SGCZ: variants seen among roughly 807,000 people sequenced by gnomAD.
The protein encoded by SGCZ is zeta-sarcoglycan.
In SGCZ, 40 loss-of-function variants were observed where a neutral mutation model predicts 41.3. The observed-to-expected ratio is 0.97, with a 90% CI of 0.75 to 1.26. The LOEUF is 1.26. Among genes scored for constraint, SGCZ ranks in the 50% most tolerant of loss-of-function variants. SGCZ has a pLI of 0.00. For synonymous variants in SGCZ, 206 were observed against 137.5 expected (o/e 1.50, Z -3.49); for missense variants, 552 against 369.8 (o/e 1.49, Z -4.04).
intron 5 of SGCZ, among the ~76,000 whole-genome samples, chr8:14,110,219 G>A (rs1449024666): frequency 6.6e-6 from 1 of 151,998 alleles, no homozygotes; most frequent in East Asian, 1.9e-4. Context: ...ATCTCAAAGA[G>A]AGACTCTGGC....
intron 4 of SGCZ, among the ~76,000 whole-genome samples, chr8:14,192,275 G>T (rs562294498): frequency 2.0e-5 from 3 of 152,034 alleles, no homozygotes; most frequent in South Asian, 2.1e-4. Flanking sequence ...TATATCCCAA[G>T]GTAGTAAAGA....
chr8:14,496,911 G>A (rs574874735), intron 2 of SGCZ, among the ~76,000 whole-genome samples: 3 of 152,180 alleles, frequency 2.0e-5, no homozygotes, highest in Admixed American at 6.5e-5. Flanking sequence ...AGAGCATAAT[G>A]TTCTTCATAC....
At chr8:15,183,122 C>A (rs1272613893) in intron 1 of SGCZ, among the ~76,000 whole-genome samples, 1 of 152,160 alleles carries the variant, frequency 6.6e-6, no homozygotes, top group African/African-American at 2.4e-5. Context: ...TTCTGAAATA[C>A]CTCCTGAAGG....
Position 14,222,792 on chromosome 8 carries a change from A to ATTTTTTTT in SGCZ, c.424+14792_424+14799dup, listed in dbSNP as rs775444301. Among the ~76,000 whole-genome samples, 4 of 48,896 alleles carry ATTTTTTTT rather than the reference A, an allele frequency of 8.2e-5. 2 individuals carry two copies. Among genetic ancestry groups the ATTTTTTTT allele is most frequent in the East Asian group, 1.7e-3 (2 of 1,200 alleles). The allele number at this position is 48,896 out of a possible 152,430, so 32.1% of individuals were successfully genotyped here. ...ATTCCACCCTCTCTCAGTCACAGTG[A>ATTTTTTTT]TTTTTTTTTTTTTTTTTTTTTTTTT... On this transcript the variant is annotated intron_variant, in intron 4 of 7. Transcript: ENST00000382080.
At chr8:14,841,334 C>A (rs575746403) in intron 1 of SGCZ, among the ~76,000 whole-genome samples, 1 of 151,978 alleles carries the variant, frequency 6.6e-6, no homozygotes, top group Non-Finnish European at 1.5e-5. Flanking sequence ...GATAAATAGG[C>A]AGTTTCAAAA....
At position 14,090,218 on chromosome 8, in the gene SGCZ, T is replaced by C. The variant is rs537045377; in HGVS notation, c.*225A>G. The C allele has an allele frequency of 1.3e-5, 5 of 383,544 alleles. No individual in the cohort carries two copies. In the South Asian group the frequency reaches 3.0e-4, roughly 23 times the overall value. The allele number at this position is 383,544 out of a possible 1,614,324, so 23.8% of individuals were successfully genotyped here. On this transcript the variant is annotated 3_prime_UTR_variant, in exon 8 of 8. Coordinates refer to ENST00000382080, the MANE Select transcript of SGCZ (RefSeq NM_139167.4). ...TCGAGCAAAAGTCATGATCCAGTTT[T>C]CCTGCTGACGACGCTTTTTCCACTG...
At chr8:14,706,642 C>T (rs1026908158) in intron 1 of SGCZ, among the ~76,000 whole-genome samples, 2 of 152,106 alleles carry the variant, frequency 1.3e-5, no homozygotes, top group African/African-American at 4.8e-5. Flanking sequence ...AGTTGTGGGA[C>T]TCCTATACTA....
chr8:14,230,776 G>C (rs1293011807), intron 4 of SGCZ, among the ~76,000 whole-genome samples: 2 of 150,132 alleles, frequency 1.3e-5, no homozygotes, highest in African/African-American at 4.9e-5. Context: ...TGGGGGGGTG[G>C]TTACTCAAAC....
intron 1 of SGCZ, among the ~76,000 whole-genome samples, chr8:14,770,433 GGGGTGGGGGTAAGGAGA>G (rs1800195363): frequency 6.6e-6 from 1 of 151,596 alleles, no homozygotes; most frequent in Non-Finnish European, 1.5e-5. Flanking sequence ...ATATTATTTG[GGGGTGGGGGTAAGGAGA>G]GGGAGGTAAA....
At chr8:14,536,634 G>C (rs1444719164) in intron 2 of SGCZ, among the ~76,000 whole-genome samples, 1 of 151,280 alleles carries the variant, frequency 6.6e-6, no homozygotes, top group African/African-American at 2.4e-5. Context: ...TTTTTCCCTT[G>C]GGTAGCATAG....
intron 1 of SGCZ, among the ~76,000 whole-genome samples, chr8:14,606,376 G>T (rs536551816): frequency 6.6e-6 from 1 of 152,136 alleles, no homozygotes; most frequent in Non-Finnish European, 1.5e-5. Context: ...CAATGGCTTT[G>T]TAATTAGTTC....
intron 1 of SGCZ, among the ~76,000 whole-genome samples, chr8:14,918,757 G>C (rs1294894010): frequency 6.6e-6 from 1 of 152,202 alleles, no homozygotes; most frequent in East Asian, 1.9e-4. Context: ...AAAGACTTCA[G>C]TTGAAGTTAT....
At chr8:14,560,337 T>C (rs148466103) in intron 1 of SGCZ, among the ~76,000 whole-genome samples, 1 of 59,910 alleles carries the variant, frequency 1.7e-5, no homozygotes, top group African/African-American at 4.5e-5. Flanking sequence ...ATATACAACA[T>C]ATATATATAT....
chr8:14,991,555 T>TCCCA (rs1290779245), intron 1 of SGCZ, among the ~76,000 whole-genome samples: 2 of 152,112 alleles, frequency 1.3e-5, no homozygotes, highest in African/African-American at 4.8e-5. Context: ...TCCTTGAATA[T>TCCCA]TATCAAAGCA....
chr8:14,850,913 G>A (rs143304310), intron 1 of SGCZ, among the ~76,000 whole-genome samples: 67 of 152,224 alleles, frequency 4.4e-4, no homozygotes, highest in African/African-American at 1.6e-3. Flanking sequence ...TAAGTTTCCT[G>A]ACACCTCTCC....
intron 1 of SGCZ, among the ~76,000 whole-genome samples, chr8:15,111,955 C>T (rs147467902): frequency 4.6e-5 from 7 of 151,968 alleles, no homozygotes; most frequent in Non-Finnish European, 4.4e-5. Flanking sequence ...TTCATTCCTT[C>T]GTTACTTGGT....
At chr8:14,889,021 G>T (rs189480342) in intron 1 of SGCZ, among the ~76,000 whole-genome samples, 5 of 152,164 alleles carry the variant, frequency 3.3e-5, no homozygotes, top group Admixed American at 1.3e-4. Context: ...AAGTAACATT[G>T]TATTTTGTTT....
chr8:15,089,032 G>A (rs534814980), intron 1 of SGCZ, among the ~76,000 whole-genome samples: 22 of 152,172 alleles, frequency 1.4e-4, no homozygotes, highest in African/African-American at 4.3e-4. Context: ...AGATATTAAT[G>A]AGCAACACAT....
intron 1 of SGCZ, among the ~76,000 whole-genome samples, chr8:14,759,354 A>G (rs1563250736): frequency 6.6e-6 from 1 of 152,152 alleles, no homozygotes; most frequent in Non-Finnish European, 1.5e-5. Context: ...ACAAAAAAAA[A>G]AATGTTATTT....
Sources: allele counts gnomAD v4.1 joint callset (sites outside exome capture counted in the v4.1 genomes callset), GRCh38; gene constraint gnomAD v4.1.1; transcripts MANE v1.5; gene names NCBI Gene and HGNC (gene_info 2026-07-23, HGNC 2026-07-21).